INTS9: variants seen among roughly 807,000 people sequenced by gnomAD.
INTS9 encodes the protein integrator complex subunit 9, also known as protein related to CPSF subunits of 74 kDa.
In INTS9, 55 loss-of-function variants were observed where a neutral mutation model predicts 79.7. The observed-to-expected ratio is 0.69, with a 90% CI of 0.56 to 0.86. The LOEUF (loss-of-function observed/expected upper bound fraction) is 0.86. INTS9 is among the 40% of genes least tolerant of loss of function. INTS9 has a pLI of 0.00. For synonymous variants in INTS9, 319 were observed against 325.2 expected, an observed-to-expected ratio of 0.98 and a Z score of 0.20; for missense variants, 721 against 831.5, an observed-to-expected ratio of 0.87 and a Z score of 1.64.
intron 14 of INTS9, among the ~76,000 whole-genome samples, chr8:28,774,540 TAAC>T (rs955150211): frequency 1.3e-5 from 2 of 152,026 alleles, no homozygotes; most frequent in African/African-American, 4.8e-5. Flanking sequence ...GAAAAAATCA[TAAC>T]AAAATGATAA....
chr8:28,834,837 G>A (rs1806708034), intron 6 of INTS9, among the ~76,000 whole-genome samples: 1 of 152,116 alleles, frequency 6.6e-6, no homozygotes, highest in South Asian at 2.1e-4. Context: ...CTACCACCCA[G>A]CTAATTTTTT....
At chr8:28,862,750 A>G (rs962472503) in intron 1 of INTS9, among the ~76,000 whole-genome samples, 1 of 152,230 alleles carries the variant, frequency 6.6e-6, no homozygotes, top group African/African-American at 2.4e-5. Flanking sequence ...ACTGAAATGC[A>G]GCTATCACCC....
chr8:28,813,152 C>T (rs1268294582), intron 7 of INTS9, among the ~76,000 whole-genome samples: 3 of 152,148 alleles, frequency 2.0e-5, no homozygotes, highest in Non-Finnish European at 2.9e-5. Context: ...AATGGGAAGG[C>T]TTATCATTTA....
At chr8:28,814,338 TCA>T (rs1585400459) in intron 6 of INTS9, among the ~76,000 whole-genome samples, 1 of 125,522 alleles carries the variant, frequency 8.0e-6, no homozygotes, top group East Asian at 2.3e-4. Flanking sequence ...ACACACACTC[TCA>T]CACACACACC....
At chr8:28,852,063 T>C (rs969606637) in intron 2 of INTS9, among the ~76,000 whole-genome samples, 2 of 151,570 alleles carry the variant, frequency 1.3e-5, no homozygotes, top group African/African-American at 4.9e-5. Flanking sequence ...TATAATAAAT[T>C]AAAAAACTAG....
rs941139996 is a variant in INTS9 at position 28,862,463 on chromosome 8, T to C, written c.10-2900A>G. ...CATTCATTCCCTTATTGTTGAACAT[T>C]GAGGGTTGTTTCCTGTCACCCTACT... is the stretch of plus-strand genomic sequence containing the variant. On this transcript the variant is annotated intron_variant, in intron 1 of 16. Coordinates refer to ENST00000521022, the MANE Select transcript of INTS9 (RefSeq NM_018250.4). 2.0e-5 allele frequency among the ~76,000 whole-genome samples: 3 copies of C among 152,224 alleles called. No homozygotes were observed. The South Asian group carries it at 6.2e-4, about 31-fold the overall frequency.
chr8:28,780,095 T>G (rs1803159655), intron 12 of INTS9, among the ~76,000 whole-genome samples: 1 of 151,030 alleles, frequency 6.6e-6, no homozygotes, highest in Non-Finnish European at 1.5e-5. Flanking sequence ...CTGTAAGATT[T>G]CTAAAACCCA....
Position 28,877,268 on chromosome 8 carries a change from A to C in INTS9, c.9+12606T>G, listed in dbSNP as rs192486569. On this transcript the variant is annotated intron_variant, in intron 1 of 16. Transcript: ENST00000521022. ...ACTGGAATATTAATAGATCAAGAGG[A>C]AGAGAACTGAGCAGGAAATGGAAAT... 7.9e-5 allele frequency among the ~76,000 whole-genome samples: 12 copies of C among 152,294 alleles called. No individual in the cohort carries two copies. In the East Asian group the frequency reaches 1.3e-3, roughly 17 times the overall value.
In INTS9 at chr8:28,835,398, G is replaced by C; in HGVS notation, c.402-20C>G. ...AGAAGCCTGAGTTTAAACAAAACAA[G>C]TGAGGAACACCCATTAAAAAATTAG... On this transcript the variant is annotated intron_variant, in intron 5 of 16. Transcript: ENST00000521022. 1 of 1,589,156 alleles carries C rather than the reference G, an allele frequency of 6.3e-7. No individual in the cohort carries two copies. The highest frequency in any genetic ancestry group is 8.6e-7 in the Non-Finnish European group (1 of 1,158,662).
rs577962929 is a variant in INTS9 at position 28,826,451 on chromosome 8, G to C, written c.488+8841C>G. Among the ~76,000 whole-genome samples the C allele has an allele frequency of 2.1e-3, 314 of 152,276 alleles. 3 individuals are homozygous for C. The highest frequency in any genetic ancestry group is 7.1e-3 in the African/African-American group (297 of 41,578). Reference sequence around the variant, plus strand: ...AGGAGCTCAGGGGTAACCCGGAGGAGGAAAGCCAAGCCGTCCCACTGCCTC... The same window carrying C: ...AGGAGCTCAGGGGTAACCCGGAGGACGAAAGCCAAGCCGTCCCACTGCCTC... On this transcript the variant is annotated intron_variant, in intron 6 of 16. Coordinates refer to ENST00000521022, the MANE Select transcript of INTS9 (RefSeq NM_018250.4).
At chr8:28,768,487 A>G (rs1044842023) in intron 16 of INTS9, 165 bp from the exon 17 acceptor site, 2 of 656,358 alleles carry the variant, frequency 3.0e-6, no homozygotes, top group Non-Finnish European at 5.3e-6. Context: ...CTTATACTTG[A>G]AAAGAGACCC....
intron 6 of INTS9, among the ~76,000 whole-genome samples, chr8:28,826,105 T>C (rs945569694): frequency 3.3e-5 from 5 of 152,202 alleles, no homozygotes; most frequent in African/African-American, 1.2e-4. Context: ...ATCAGATACA[T>C]AGAACACTGT....
chr8:28,846,561 G>T (rs1407218370), intron 4 of INTS9, among the ~76,000 whole-genome samples, 186 bp downstream of exon 4: 1 of 152,178 alleles, frequency 6.6e-6, no homozygotes, highest in East Asian at 1.9e-4. Flanking sequence ...TGACGTAAAT[G>T]ATTTACAAAC....
chr8:28,774,824 CTG>C (rs1802774758), intron 14 of INTS9, among the ~76,000 whole-genome samples: 1 of 152,196 alleles, frequency 6.6e-6, no homozygotes, highest in South Asian at 2.1e-4. Flanking sequence ...ATCCTCAACG[CTG>C]TCTTTCAGGA....
At chr8:28,833,369 C>T (rs1052964232) in intron 6 of INTS9, among the ~76,000 whole-genome samples, 1 of 152,018 alleles carries the variant, frequency 6.6e-6, no homozygotes, top group South Asian at 2.1e-4. Context: ...CACCTGTAAT[C>T]CCAGCACTTT....
At chr8:28,831,262 A>G (rs987542622) in intron 6 of INTS9, among the ~76,000 whole-genome samples, 2 of 152,204 alleles carry the variant, frequency 1.3e-5, no homozygotes, top group African/African-American at 4.8e-5. Flanking sequence ...GAACGAGAAC[A>G]CATGAACACA....
At chr8:28,771,233 G>A (rs1007125336) in intron 14 of INTS9, 153 bp from the exon 15 acceptor site, 22 of 686,366 alleles carry the variant, frequency 3.2e-5, no homozygotes, top group South Asian at 7.6e-5. Flanking sequence ...TTGCTCTGTC[G>A]CCCAGGTGAC....
At chr8:28,786,897 G>A (rs375441541) in intron 11 of INTS9, among the ~76,000 whole-genome samples, 1 of 151,832 alleles carries the variant, frequency 6.6e-6, no homozygotes, top group Non-Finnish European at 1.5e-5. Flanking sequence ...TTTTGTATTT[G>A]TAGTAGAGAC....
At chr8:28,866,394 T>G (rs1563307933) in intron 1 of INTS9, among the ~76,000 whole-genome samples, 1 of 152,134 alleles carries the variant, frequency 6.6e-6, no homozygotes, top group African/African-American at 2.4e-5. Flanking sequence ...GAGACCATTT[T>G]ATGTTGATTT....
Sources: allele counts gnomAD v4.1 joint callset (sites outside exome capture counted in the v4.1 genomes callset), GRCh38; gene constraint gnomAD v4.1.1; transcripts MANE v1.5; gene names NCBI Gene and HGNC (gene_info 2026-07-23, HGNC 2026-07-21).